SPOCK1: variants seen among roughly 807,000 people sequenced by gnomAD.
SPOCK1 encodes the protein SPARC (osteonectin), cwcv and kazal like domains proteoglycan 1, also known as testican-1.
SPOCK1 carries 23 observed loss-of-function variants against 55.3 expected under a neutral mutation model. That is an observed-to-expected ratio of 0.42 (90% CI 0.30 to 0.59). SPOCK1 has a LOEUF of 0.59. SPOCK1 is among the 20% of genes least tolerant of loss of function. SPOCK1 has a pLI of 0.22. For synonymous variants in SPOCK1, 226 were observed against 221.0 expected, an observed-to-expected ratio of 1.02 and a Z score of -0.20; for missense variants, 499 against 552.5, an observed-to-expected ratio of 0.90 and a Z score of 0.97.
At chr5:137,417,966 T>A (rs6867071) in intron 2 of SPOCK1, among the ~76,000 whole-genome samples, 3 of 152,106 alleles carry the variant, frequency 2.0e-5, no homozygotes, top group Non-Finnish European at 4.4e-5. Flanking sequence ...CCCGCTACCC[T>A]ACAACAGGCC....
rs550043438 is a variant in SPOCK1 at position 137,370,756 on chromosome 5, A to G, written c.187-103701T>C. Among the ~76,000 whole-genome samples the G allele has an allele frequency of 2.0e-5, 3 of 152,346 alleles. No homozygotes were observed. In the South Asian group the frequency reaches 6.2e-4, roughly 32 times the overall value. On this transcript the variant is annotated intron_variant, in intron 2 of 10. Transcript: ENST00000394945. Reference sequence around the variant, plus strand: ...GCTGTACTGAGATTTCTCTAAGAAAACACTGTGGCTTTGGAAATGTTATAT... The same window carrying G: ...GCTGTACTGAGATTTCTCTAAGAAAGCACTGTGGCTTTGGAAATGTTATAT...
intron 2 of SPOCK1, among the ~76,000 whole-genome samples, chr5:137,447,664 G>A (rs944672681): frequency 6.6e-6 from 1 of 152,020 alleles, no homozygotes; most frequent in Non-Finnish European, 1.5e-5. Flanking sequence ...CCAGGGGTCT[G>A]AGAGCCAGAA....
intron 2 of SPOCK1, among the ~76,000 whole-genome samples, chr5:137,400,955 A>G (rs1296427387): frequency 1.3e-5 from 2 of 152,182 alleles, no homozygotes; most frequent in African/African-American, 4.8e-5. Flanking sequence ...ACCCGCTGGA[A>G]ACCCCTCTCC....
chr5:137,330,723 G>A (rs1318019090), intron 2 of SPOCK1, among the ~76,000 whole-genome samples: 2 of 152,184 alleles, frequency 1.3e-5, no homozygotes, highest in Non-Finnish European at 2.9e-5. Context: ...ACCTCTCTCA[G>A]TTTGCCAGGA....
intron 2 of SPOCK1, among the ~76,000 whole-genome samples, chr5:137,330,449 C>T (rs1355706478): frequency 6.6e-6 from 1 of 152,216 alleles, no homozygotes; most frequent in African/African-American, 2.4e-5. Flanking sequence ...TCTCTCAGAT[C>T]ACAAGACACG....
intron 2 of SPOCK1, among the ~76,000 whole-genome samples, chr5:137,392,782 T>G (rs1751754760): frequency 6.6e-6 from 1 of 152,226 alleles, no homozygotes; most frequent in Non-Finnish European, 1.5e-5. Flanking sequence ...CCTTTCCATT[T>G]CCTTCTACCC....
intron 2 of SPOCK1, among the ~76,000 whole-genome samples, chr5:137,345,773 C>G (rs548207097): frequency 1.3e-5 from 2 of 152,306 alleles, no homozygotes; most frequent in South Asian, 4.1e-4. Flanking sequence ...CCCTAACACT[C>G]TATATAGAAA....
chr5:137,008,445 C>T (rs547313667), intron 6 of SPOCK1, among the ~76,000 whole-genome samples: 1 of 152,080 alleles, frequency 6.6e-6, no homozygotes. Context: ...ACAACAATAT[C>T]CTTAAAACAG....
chr5:137,399,336 C>T (rs1272107564), intron 2 of SPOCK1, among the ~76,000 whole-genome samples: 1 of 151,892 alleles, frequency 6.6e-6, no homozygotes, highest in Non-Finnish European at 1.5e-5. Context: ...AGCTTCTTCA[C>T]TACTGGGCTA....
chr5:137,149,638 C>T (rs1754273358), intron 3 of SPOCK1, among the ~76,000 whole-genome samples: 1 of 152,184 alleles, frequency 6.6e-6, no homozygotes, highest in South Asian at 2.1e-4. Context: ...TCTATAAAAA[C>T]ATGGAGCTTT....
intron 3 of SPOCK1, among the ~76,000 whole-genome samples, chr5:137,251,844 G>T (rs536407156): frequency 6.6e-6 from 1 of 152,292 alleles, no homozygotes; most frequent in Non-Finnish European, 1.5e-5. Flanking sequence ...ACTGATTCAG[G>T]TATTTTATAT....
At position 137,438,448 on chromosome 5, in the gene SPOCK1, G is replaced by A. The variant is rs548781578; in HGVS notation, c.186+59925C>T. ...AAAACCCAAACCAGGCAGCTCCTGG[G>A]TACACCTCCTAAATAACCCAAAGGA... is the stretch of plus-strand genomic sequence containing the variant. On this transcript the variant is annotated intron_variant, in intron 2 of 10. Transcript: ENST00000394945. Among the ~76,000 whole-genome samples, 10 of 152,228 alleles carry A rather than the reference G, an allele frequency of 6.6e-5. 1 individual carries two copies. Among genetic ancestry groups the A allele is most frequent in the African/African-American group, 2.4e-4 (10 of 41,524 alleles).
chr5:137,426,893 C>T (rs1336622483), intron 2 of SPOCK1, among the ~76,000 whole-genome samples: 3 of 152,164 alleles, frequency 2.0e-5, no homozygotes, highest in Admixed American at 6.5e-5. Context: ...CACAATATTG[C>T]TGTATGTGGC....
chr5:137,099,578 GTA>G (rs34194618), intron 5 of SPOCK1, among the ~76,000 whole-genome samples: 83,254 of 150,064 alleles, frequency 0.55, 23,294 homozygotes, highest in African/African-American at 0.66. Flanking sequence ...ATATGTGTGT[GTA>G]TATATATATA....
intron 2 of SPOCK1, among the ~76,000 whole-genome samples, chr5:137,304,413 C>CT (rs1438546588): frequency 2.0e-5 from 3 of 152,108 alleles, no homozygotes; most frequent in African/African-American, 7.2e-5. Flanking sequence ...CCAGAAGGCC[C>CT]TCAAATGAAG....
intron 2 of SPOCK1, among the ~76,000 whole-genome samples, chr5:137,375,273 C>G (rs1751288478): frequency 6.6e-6 from 1 of 151,746 alleles, no homozygotes; most frequent in Admixed American, 6.6e-5. Flanking sequence ...CTTCTAGACA[C>G]AACACCATGG....
chr5:137,003,684 G>A (rs1751188719), intron 6 of SPOCK1, among the ~76,000 whole-genome samples: 1 of 152,052 alleles, frequency 6.6e-6, no homozygotes, highest in African/African-American at 2.4e-5. Flanking sequence ...AGGTATTATT[G>A]AACAATTTTA....
At chr5:137,131,958 C>T (rs1267956902) in intron 4 of SPOCK1, among the ~76,000 whole-genome samples, 2 of 83,414 alleles carry the variant, frequency 2.4e-5, no homozygotes, top group East Asian at 3.0e-4. Flanking sequence ...GGCGACAGAG[C>T]GAGACTCCGT....
intron 2 of SPOCK1, among the ~76,000 whole-genome samples, chr5:137,333,980 C>T (rs1750176140): frequency 6.6e-6 from 1 of 152,128 alleles, no homozygotes; most frequent in African/African-American, 2.4e-5. Context: ...GAACATGAAG[C>T]AGGTTGGGTA....
Sources: allele counts gnomAD v4.1 joint callset (sites outside exome capture counted in the v4.1 genomes callset), GRCh38; gene constraint gnomAD v4.1.1; transcripts MANE v1.5; gene names NCBI Gene and HGNC (gene_info 2026-07-23, HGNC 2026-07-21).